The following IQSEC1 variants were observed in gnomAD, a reference collection of about 807,000 sequenced individuals.
IQSEC1 encodes IQ motif and Sec7 domain ArfGEF 1, also known as IQ motif and SEC7 domain-containing protein 1.
A neutral mutation model predicts 91.0 loss-of-function variants in IQSEC1; 31 were observed. The observed-to-expected ratio is 0.34, with a 90% CI of 0.26 to 0.46. IQSEC1 has a LOEUF of 0.46. Ranked by LOEUF, IQSEC1 falls within the 20% of genes least tolerant of loss-of-function variation. The probability of loss-of-function intolerance (pLI) is 1.00; values close to 1 mark genes in which losing one functional copy is unlikely to be tolerated. For missense variants in IQSEC1, 1,388 were observed against 1,575.6 expected (o/e 0.88, Z 2.02); for synonymous variants, 699 against 662.6 (o/e 1.05, Z -0.84).
At chr3:13,267,615 CTTTTTCTTTTTTTTT>C (rs1195026563) in intron 1 of IQSEC1, among the ~76,000 whole-genome samples, 1 of 144,972 alleles carries the variant, frequency 6.9e-6, no homozygotes, top group Non-Finnish European at 1.5e-5. Flanking sequence ...TTTTTTTTTT[CTTTTTCTTTTTTTTT>C]TTTTTTAGAC....
At chr3:12,921,237 G>C (rs1300691706) in intron 5 of IQSEC1, among the ~76,000 whole-genome samples, 2 of 152,118 alleles carry the variant, frequency 1.3e-5, no homozygotes, top group Non-Finnish European at 2.9e-5. Context: ...CAAAGTACCG[G>C]GACTGAGGCT....
chr3:13,021,456 C>A (rs1244022179), intron 1 of IQSEC1, among the ~76,000 whole-genome samples: 1 of 152,258 alleles, frequency 6.6e-6, no homozygotes, highest in Non-Finnish European at 1.5e-5. Flanking sequence ...GGGCCCTGAT[C>A]TTAGTGTGTA....
At chr3:13,142,258 G>C (rs1213161255) in intron 2 of IQSEC1, among the ~76,000 whole-genome samples, 1 of 152,264 alleles carries the variant, frequency 6.6e-6, no homozygotes, top group Non-Finnish European at 1.5e-5. Flanking sequence ...CTTTGCTGAT[G>C]ACACAGCAGA....
chr3:13,268,915 A>G (rs569314453), intron 1 of IQSEC1, among the ~76,000 whole-genome samples: 1 of 152,344 alleles, frequency 6.6e-6, no homozygotes, highest in African/African-American at 2.4e-5. Flanking sequence ...CTGCAGAGGG[A>G]CCAGGGCTAC....
intron 6 of IQSEC1, among the ~76,000 whole-genome samples, chr3:12,918,824 T>G (rs1056521910): frequency 2.6e-5 from 4 of 151,994 alleles, no homozygotes; most frequent in Non-Finnish European, 5.9e-5. Context: ...CATGTCTAAA[T>G]AAATAAATAA....
intron 2 of IQSEC1, among the ~76,000 whole-genome samples, chr3:13,109,607 T>C (rs1382067358): frequency 1.3e-5 from 2 of 152,074 alleles, no homozygotes; most frequent in East Asian, 3.9e-4. Context: ...TAGTGAGTTC[T>C]GGCAAGATCC....
Position 13,103,036 on chromosome 3 carries a change from G to C in IQSEC1, c.303-55514C>G, listed in dbSNP as rs1055808071. 3.3e-5 allele frequency among the ~76,000 whole-genome samples: 5 copies of C among 152,122 alleles called. No homozygotes were observed. Among genetic ancestry groups the C allele is most frequent in the Admixed American group, 6.5e-5 (1 of 15,280 alleles). On this transcript the variant is annotated intron_variant, in intron 2 of 15. Coordinates refer to the IQSEC1 transcript ENST00000648114. This position sits in a 1 kb window ranked among gnomAD's most constrained non-coding sequence, Gnocchi z 4.1. ...TGGTGCCCCCCTACCTCAACCTGTG[G>C]GCTGGATGTCGGAAGGGACTCTGAC...
intron 1 of IQSEC1, among the ~76,000 whole-genome samples, chr3:12,944,691 C>T (rs1327151539): frequency 3.9e-5 from 6 of 152,226 alleles, no homozygotes; most frequent in Admixed American, 3.3e-4. Flanking sequence ...GAGATGCAGC[C>T]GGGCCTCCGC....
chr3:13,161,546 A>T (rs1420851362), intron 2 of IQSEC1, among the ~76,000 whole-genome samples: 3 of 152,178 alleles, frequency 2.0e-5, no homozygotes, highest in Non-Finnish European at 4.4e-5. Context: ...TCCTGGGGGA[A>T]GGGTGTGACC....
chr3:13,259,543 TC>T lies in IQSEC1; in HGVS notation c.272+23167del, dbSNP rs1019036121. On this transcript the variant is annotated intron_variant, in intron 1 of 15. Transcript: ENST00000648114. The surrounding 1 kb of genome is among the most constrained non-coding windows in gnomAD (Gnocchi z 4.6). ...AAATACAGCCGACTCCCCAAGGCCT[TC>T]GAGGCGGGCTGATGGATGCAGTGTT... Among the ~76,000 whole-genome samples, 68 of 152,346 alleles carry T rather than the reference TC, an allele frequency of 4.5e-4. No homozygotes were observed. The highest frequency in any genetic ancestry group is 1.6e-3 in the African/African-American group (66 of 41,580).
chr3:13,001,700 T>C (rs1242208586), intron 1 of IQSEC1, among the ~76,000 whole-genome samples: 1 of 152,200 alleles, frequency 6.6e-6, no homozygotes, highest in Non-Finnish European at 1.5e-5. Context: ...AAAATAATAA[T>C]AAATATTGTC....
chr3:13,139,812 T>C (rs77087636), intron 2 of IQSEC1, among the ~76,000 whole-genome samples: 2,056 of 152,248 alleles, frequency 0.014, 61 homozygotes, highest in African/African-American at 0.048. Flanking sequence ...CTGCCTACAA[T>C]GCACCTGGGG....
intron 1 of IQSEC1, among the ~76,000 whole-genome samples, chr3:13,269,430 G>C (rs1013980516): frequency 6.6e-6 from 1 of 152,222 alleles, no homozygotes; most frequent in Non-Finnish European, 1.5e-5. Flanking sequence ...TGGAGTGAGG[G>C]GGATGCAGAT....
At chr3:13,232,019 T>G (rs1183050786) in intron 1 of IQSEC1, among the ~76,000 whole-genome samples, 3 of 152,222 alleles carry the variant, frequency 2.0e-5, no homozygotes, top group Non-Finnish European at 2.9e-5. Context: ...CCCAACCTAG[T>G]GCACTGACGT....
At chr3:13,062,766 T>A (rs360757) in intron 1 of IQSEC1, among the ~76,000 whole-genome samples, 1 of 151,950 alleles carries the variant, frequency 6.6e-6, no homozygotes, top group Non-Finnish European at 1.5e-5. Context: ...AGCCTTAAGA[T>A]ACAGGCAGTG....
At chr3:13,072,022 C>T (rs1459039921) in intron 1 of IQSEC1, among the ~76,000 whole-genome samples, 4 of 152,250 alleles carry the variant, frequency 2.6e-5, no homozygotes, top group African/African-American at 9.6e-5. Context: ...GGGCCTCCAT[C>T]GATTAGGGAG....
At chr3:12,955,846 T>A (rs1039118523) in intron 1 of IQSEC1, among the ~76,000 whole-genome samples, 7 of 152,136 alleles carry the variant, frequency 4.6e-5, no homozygotes, top group African/African-American at 1.4e-4. Context: ...TAAGGAGACC[T>A]CGGACTGCAC....
At chr3:12,956,175 C>T (rs1011948848) in intron 1 of IQSEC1, among the ~76,000 whole-genome samples, 10 of 152,286 alleles carry the variant, frequency 6.6e-5, no homozygotes, top group Middle Eastern at 3.4e-3. Flanking sequence ...CCACAGTCCC[C>T]ACCACTCCTT....
intron 1 of IQSEC1, among the ~76,000 whole-genome samples, chr3:13,045,323 T>C (rs1322755109): frequency 6.6e-6 from 1 of 152,174 alleles, no homozygotes; most frequent in Non-Finnish European, 1.5e-5. Flanking sequence ...CTTTTTCTGC[T>C]TGCTGCCTGT....
Sources: gnomAD v4.1 joint callset for allele counts (sites outside exome capture counted in the v4.1 genomes callset) on GRCh38, gnomAD v4.1.1 for gene constraint, Gnocchi (gnomAD v3.1) non-coding constraint, MANE v1.5 for transcripts, NCBI Gene and HGNC (gene_info 2026-07-23, HGNC 2026-07-21) for gene names.